Variants in CAMK4 observed in about 807,000 individuals in gnomAD.
CAMK4 encodes the protein calcium/calmodulin dependent protein kinase IV, also known as calcium/calmodulin-dependent protein kinase type IV.
In CAMK4, 22 loss-of-function variants were observed where a neutral mutation model predicts 44.9. That is an observed-to-expected ratio of 0.49 (90% CI 0.35 to 0.70). CAMK4 has a LOEUF of 0.70. Ranked by LOEUF, CAMK4 falls within the 30% of genes least tolerant of loss-of-function variation. The pLI is 0.01. For missense variants in CAMK4, 498 were observed against 586.8 expected (o/e 0.85, Z 1.56); for synonymous variants, 218 against 215.4 (o/e 1.01, Z -0.11).
Position 111,284,722 on chromosome 5 carries a change from T to C in CAMK4, c.162-59302T>C, listed in dbSNP as rs149222859. 3.6e-3 allele frequency among the ~76,000 whole-genome samples: 552 copies of C among 152,348 alleles called. 5 individuals are homozygous for C. Among genetic ancestry groups the C allele is most frequent in the African/African-American group, 0.013 (527 of 41,578 alleles). ...CTATCCGAGAGCGTTATTGCTTCTT[T>C]TTCCTGATGTTATTTTTGCTAATTT... On this transcript the variant is annotated intron_variant, in intron 1 of 10. Coordinates refer to ENST00000282356, the MANE Select transcript of CAMK4 (RefSeq NM_001744.6).
chr5:111,418,970 G>T (rs539926371), intron 5 of CAMK4, among the ~76,000 whole-genome samples: 1 of 152,066 alleles, frequency 6.6e-6, no homozygotes, highest in Non-Finnish European at 1.5e-5. Flanking sequence ...TAATGGGATG[G>T]CTGGGTCAAA....
chr5:111,450,676 G>A (rs7723111), intron 7 of CAMK4, among the ~76,000 whole-genome samples: 2 of 147,438 alleles, frequency 1.4e-5, no homozygotes, highest in Non-Finnish European at 3.0e-5. Flanking sequence ...TAATCCCAGC[G>A]ACTCAGGAGG....
At chr5:111,225,996 T>G (rs1580447757) in intron 1 of CAMK4, among the ~76,000 whole-genome samples, 1 of 152,336 alleles carries the variant, frequency 6.6e-6, no homozygotes, top group East Asian at 1.9e-4. Context: ...AAAACATGCC[T>G]GTTATTAATT....
chr5:111,463,686 C>G lies in CAMK4; in HGVS notation c.626-9625C>G, dbSNP rs568652346. Among the ~76,000 whole-genome samples, 8 of 152,316 alleles carry G rather than the reference C, an allele frequency of 5.3e-5. No homozygotes were observed. The East Asian group carries it at 1.5e-3, about 29-fold the overall frequency. On this transcript the variant is annotated intron_variant, in intron 7 of 10. Coordinates refer to ENST00000282356, the MANE Select transcript of CAMK4 (RefSeq NM_001744.6). The stretch of plus-strand genomic sequence containing the variant: ...CACAAGACTCTGTGTAGACACCCCC[C>G]ACTACCAGCCCAGACCCCAGCAGCT...
At chr5:111,275,247 T>G (rs562489772) in intron 1 of CAMK4, among the ~76,000 whole-genome samples, 1 of 152,248 alleles carries the variant, frequency 6.6e-6, no homozygotes, top group South Asian at 2.1e-4. Context: ...TCAAGAATGT[T>G]TCTTACTTTG....
intron 5 of CAMK4, among the ~76,000 whole-genome samples, chr5:111,443,307 CACACACACTA>C (rs1300110759): frequency 1.2e-4 from 16 of 132,842 alleles, no homozygotes; most frequent in East Asian, 4.2e-4. Context: ...CACACACACA[CACACACACTA>C]TATATATATA....
intron 5 of CAMK4, among the ~76,000 whole-genome samples, chr5:111,431,627 T>A (rs931718437): frequency 1.3e-5 from 2 of 152,082 alleles, no homozygotes; most frequent in Admixed American, 1.3e-4. Flanking sequence ...AAGGAATTAA[T>A]AACCAGATTA....
At chr5:111,366,985 A>G (rs1474652895) in intron 2 of CAMK4, among the ~76,000 whole-genome samples, 4 of 151,804 alleles carry the variant, frequency 2.6e-5, no homozygotes, top group Non-Finnish European at 4.4e-5. Flanking sequence ...TTTGATGGCT[A>G]TCCACTTCAT....
chr5:111,411,038 T>G (rs903782055), intron 5 of CAMK4, among the ~76,000 whole-genome samples: 1 of 152,148 alleles, frequency 6.6e-6, no homozygotes, highest in Non-Finnish European at 1.5e-5. Context: ...CACAAAAGTT[T>G]CAAAGTTTTA....
chr5:111,237,524 C>A (rs1048113727), intron 1 of CAMK4, among the ~76,000 whole-genome samples: 1 of 152,180 alleles, frequency 6.6e-6, no homozygotes, highest in South Asian at 2.1e-4. Flanking sequence ...AAATGCATCA[C>A]CTTTAAAAAA....
chr5:111,440,739 T>G (rs1753794256), intron 5 of CAMK4, among the ~76,000 whole-genome samples: 1 of 149,524 alleles, frequency 6.7e-6, no homozygotes, highest in Non-Finnish European at 1.5e-5. Flanking sequence ...TCTTTTTCAC[T>G]GAGATTTTTG....
intron 5 of CAMK4, among the ~76,000 whole-genome samples, chr5:111,403,263 C>G (rs1752297204): frequency 6.6e-6 from 1 of 152,118 alleles, no homozygotes; most frequent in Non-Finnish European, 1.5e-5. Context: ...TTTTTTGTTT[C>G]TATGAATGTC....
At chr5:111,321,524 C>A (rs1399450019) in intron 1 of CAMK4, among the ~76,000 whole-genome samples, 2 of 152,032 alleles carry the variant, frequency 1.3e-5, no homozygotes, top group Non-Finnish European at 2.9e-5. Flanking sequence ...ACTGACAAGC[C>A]TAAGTCACAG....
intron 4 of CAMK4, among the ~76,000 whole-genome samples, chr5:111,390,397 C>G (rs190828519): frequency 6.6e-6 from 1 of 152,146 alleles, no homozygotes; most frequent in East Asian, 1.9e-4. Flanking sequence ...CCGCCCCATC[C>G]CCTATTTTGG....
chr5:111,410,106 A>C (rs1752578087), intron 5 of CAMK4, among the ~76,000 whole-genome samples: 2 of 152,172 alleles, frequency 1.3e-5, no homozygotes, highest in Non-Finnish European at 2.9e-5. Context: ...GTATCTTTAC[A>C]GAAGTGCCCT....
At chr5:111,333,430 A>G (rs1245922954) in intron 1 of CAMK4, among the ~76,000 whole-genome samples, 5 of 151,620 alleles carry the variant, frequency 3.3e-5, no homozygotes, top group Non-Finnish European at 7.4e-5. Context: ...AGGACTGATA[A>G]GAGTTATTAA....
chr5:111,425,389 C>T (rs1753189318), intron 5 of CAMK4, among the ~76,000 whole-genome samples: 1 of 152,206 alleles, frequency 6.6e-6, no homozygotes, highest in South Asian at 2.1e-4. Flanking sequence ...GTGCCAGAGC[C>T]TATGCATAAC....
At chr5:111,268,740 GAT>G (rs1208761643) in intron 1 of CAMK4, among the ~76,000 whole-genome samples, 1 of 152,130 alleles carries the variant, frequency 6.6e-6, no homozygotes, top group East Asian at 1.9e-4. Context: ...ACATGTCAAA[GAT>G]AATTTGTTTC....
chr5:111,460,272 T>C lies in CAMK4; in HGVS notation c.625+11069T>C, dbSNP rs1162916795. Among the ~76,000 whole-genome samples, 40 of 117,936 alleles carry C rather than the reference T, an allele frequency of 3.4e-4. 1 individual carries two copies. The highest frequency in any genetic ancestry group is 1.9e-3 in the African/African-American group (38 of 20,046). 77.4% of individuals were successfully genotyped at this position (117,936 alleles called of 152,430 possible). ...TTTCTTTTCTTTTCTTTTCTTTTTC[T>C]TTTTTTTTTTTTTGAGGCAGAGTCT... On this transcript the variant is annotated intron_variant, in intron 7 of 10. Transcript: ENST00000282356.
Sources: gnomAD v4.1 joint callset for allele counts (sites outside exome capture counted in the v4.1 genomes callset) on GRCh38, gnomAD v4.1.1 for gene constraint, MANE v1.5 for transcripts, NCBI Gene and HGNC (gene_info 2026-07-23, HGNC 2026-07-21) for gene names.